Variants in ANKDD1A observed in about 807,000 individuals in gnomAD.
The protein encoded by ANKDD1A is ankyrin repeat and death domain containing 1A.
A neutral mutation model predicts 63.5 loss-of-function variants in ANKDD1A; 59 were observed. The observed-to-expected ratio is 0.93, with a 90% CI of 0.75 to 1.15. The LOEUF (loss-of-function observed/expected upper bound fraction) is 1.15. Among genes scored for constraint, ANKDD1A ranks in the 50% most tolerant of loss-of-function variants. The pLI, the probability that ANKDD1A is intolerant of heterozygous loss-of-function variation, is 0.00. For synonymous variants in ANKDD1A, 266 were observed against 263.9 expected (o/e 1.01, Z -0.08); for missense variants, 632 against 656.4 (o/e 0.96, Z 0.41).
intron 6 of ANKDD1A, 54 bp downstream of exon 6, chr15:64,927,053 T>C (rs2085050937): frequency 1.3e-6 from 2 of 1,588,208 alleles, no homozygotes; most frequent in Middle Eastern, 1.7e-4. Context: ...ACTTGCCACC[T>C]TCCAGGCTCT....
At chr15:64,912,019 A>C in intron 1 of ANKDD1A, 55 bp downstream of exon 1, 1 of 1,235,932 alleles carries the variant, frequency 8.1e-7, no homozygotes, top group Non-Finnish European at 1.0e-6. Flanking sequence ...GGACCCCCGC[A>C]TCCGTTTGGG....
Position 64,949,908 on chromosome 15 carries a change from TG to T in ANKDD1A, c.1421del (p.Gly474ValfsTer41). The T allele has an allele frequency of 1.2e-6, 2 of 1,608,434 alleles. No homozygotes were observed. The highest frequency in any genetic ancestry group is 1.7e-6 in the Non-Finnish European group (2 of 1,179,984). On this transcript the variant is annotated frameshift_variant, in exon 14 of 15. Coordinates refer to ENST00000319580, the MANE Select transcript of ANKDD1A (RefSeq NM_182703.6). LOFTEE classifies it high-confidence loss of function. ...TTTGGCTGCATGGCGTGGCCACGGC[TG>T]GTGAGAACCCCAGCAAAGCGCTGTT... ...LIWLHGVATA[G>X]ENPSKALFEG...
intron 3 of ANKDD1A, among the ~76,000 whole-genome samples, chr15:64,920,558 T>G (rs900299139): frequency 1.3e-5 from 2 of 152,136 alleles, no homozygotes. Flanking sequence ...GGATATTTAT[T>G]TATTTATTTT....
intron 9 of ANKDD1A, among the ~76,000 whole-genome samples, chr15:64,940,749 AT>A (rs537243328): frequency 0.015 from 2,248 of 146,472 alleles, 27 homozygotes; most frequent in Non-Finnish European, 0.025. Flanking sequence ...AGACAGACAG[AT>A]TTTTTAGAGA....
chr15:64,951,631 TTTC>T (rs1265626016), intron 14 of ANKDD1A, among the ~76,000 whole-genome samples: 6,260 of 147,190 alleles, frequency 0.043, 541 homozygotes, highest in African/African-American at 0.15. Context: ...CTTCTCTTCT[TTTC>T]TTCTTCTATC....
chr15:64,932,194 G>A (rs547014983), intron 8 of ANKDD1A: 3 of 152,606 alleles, frequency 2.0e-5, no homozygotes, highest in East Asian at 1.9e-4. Context: ...CATTGCACCT[G>A]GCCCTGTTAG....
At chr15:64,945,614 A>T (rs1368196929) in intron 12 of ANKDD1A, among the ~76,000 whole-genome samples, 1 of 71,732 alleles carries the variant, frequency 1.4e-5, no homozygotes, top group African/African-American at 6.4e-5. Context: ...CAACATATAT[A>T]TATATATATA....
intron 14 of ANKDD1A, chr15:64,951,554 C>CT (rs1376705204): frequency 1.5e-3 from 2 of 1,346 alleles, no homozygotes; most frequent in Non-Finnish European, 8.3e-3. Flanking sequence ...TTCTTCTCTT[C>CT]TTTCTTTTTC....
At chr15:64,946,641 A>C (rs919468037) in intron 12 of ANKDD1A, among the ~76,000 whole-genome samples, 1 of 152,170 alleles carries the variant, frequency 6.6e-6, no homozygotes, top group Non-Finnish European at 1.5e-5. Context: ...TAGGGGCCAG[A>C]CATCAGTGGT....
chr15:64,951,379 TTTTC>T (rs1406314824), intron 14 of ANKDD1A: 2 of 408,472 alleles, frequency 4.9e-6, no homozygotes, highest in East Asian at 1.6e-4. Context: ...TCTTCTTTCT[TTTTC>T]TTTTCTTCTT....
intron 14 of ANKDD1A, chr15:64,951,200 G>C (rs760748291): frequency 3.1e-4 from 326 of 1,045,080 alleles, no homozygotes; most frequent in Middle Eastern, 6.8e-4. Context: ...TTTTCATGAG[G>C]ATGGGTCCAA....
At chr15:64,916,336 T>C (rs997516004) in intron 2 of ANKDD1A, among the ~76,000 whole-genome samples, 5 of 151,344 alleles carry the variant, frequency 3.3e-5, no homozygotes, top group Admixed American at 6.6e-5. Context: ...TTTTCTTTTT[T>C]TTTTTTTTTG....
intron 4 of ANKDD1A, among the ~76,000 whole-genome samples, chr15:64,922,650 T>C (rs1177372543): frequency 6.6e-6 from 1 of 152,230 alleles, no homozygotes; most frequent in Non-Finnish European, 1.5e-5. Context: ...TTTTTTTCTT[T>C]CTTTCTTTTG....
intron 2 of ANKDD1A, among the ~76,000 whole-genome samples, chr15:64,916,414 T>G (rs2084969048): frequency 6.6e-6 from 1 of 151,526 alleles, no homozygotes; most frequent in South Asian, 2.1e-4. Context: ...AGCCTTGACC[T>G]TCCTGGGCTC....
intron 10 of ANKDD1A, 42 bp from the exon 11 acceptor site, chr15:64,943,442 T>C: frequency 1.3e-6 from 2 of 1,580,020 alleles, no homozygotes; most frequent in Non-Finnish European, 1.7e-6. Context: ...GGGCCACCCC[T>C]ACATGCTTTT....
chr15:64,944,727 C>G lies in ANKDD1A; in HGVS notation c.1141C>G (p.Arg381Gly), dbSNP rs775529013. Residue 381 changes from arginine to glycine, a missense_variant, in exon 12 of 15, where the codon CGT (arginine) becomes GGT (glycine). Physicochemically the swap from Arg to Gly is moderately radical, Grantham distance 125. Transcript: ENST00000319580. Reference protein sequence around the residue: ...SLVDMIIKADRFYRWEKDHPS... With the variant: ...SLVDMIIKADGFYRWEKDHPS... ...GGTGGACATGATCATAAAAGCTGAT[C>G]GTTTCTACAGATGGGAGAAGGTACG... 8 of 1,613,944 alleles carry G rather than the reference C, an allele frequency of 5.0e-6. No homozygotes were observed. Among genetic ancestry groups the G allele is most frequent in the Non-Finnish European group, 6.8e-6 (8 of 1,179,994 alleles).
At chr15:64,953,596 T>TTC (rs2085348785) in intron 14 of ANKDD1A, among the ~76,000 whole-genome samples, 52 of 58,836 alleles carry the variant, frequency 8.8e-4, no homozygotes, top group Non-Finnish European at 2.1e-3. Context: ...TTCCTTCTCC[T>TTC]TTTCTTCTTT....
intron 3 of ANKDD1A, among the ~76,000 whole-genome samples, chr15:64,918,437 C>T (rs1288210252): frequency 2.6e-5 from 4 of 152,164 alleles, no homozygotes; most frequent in Non-Finnish European, 5.9e-5. Context: ...CCAATCCTGT[C>T]TCCTCCCTGT....
intron 14 of ANKDD1A, among the ~76,000 whole-genome samples, chr15:64,952,280 T>C (rs2085303352): frequency 6.7e-6 from 1 of 149,510 alleles, no homozygotes; most frequent in South Asian, 2.1e-4. Context: ...CTTTTTCTTC[T>C]TCCTTCTCCT....
Sources: allele counts gnomAD v4.1 joint callset (sites outside exome capture counted in the v4.1 genomes callset), GRCh38; gene constraint gnomAD v4.1.1; transcripts MANE v1.5; gene names NCBI Gene and HGNC (gene_info 2026-07-23, HGNC 2026-07-21).